The following SMIM14 variants were observed in gnomAD, a reference collection of about 807,000 sequenced individuals.
SMIM14 encodes chromosome 4 open reading frame 34.
SMIM14 carries 5 observed loss-of-function variants against 12.6 expected under a neutral mutation model. The ratio of observed to expected loss-of-function variants is 0.40; its 90% confidence interval spans 0.21 to 0.83. SMIM14 has a LOEUF of 0.83. SMIM14 is among the 40% of genes least tolerant of loss of function. The pLI is 0.37. For missense variants in SMIM14, 86 were observed against 119.1 expected (o/e 0.72, Z 1.29); for synonymous variants, 30 against 40.1 (o/e 0.75, Z 0.95).
intron 2 of SMIM14, among the ~76,000 whole-genome samples, chr4:39,579,410 CAAAAAAAAAA>C (rs11300565): frequency 2.0e-5 from 2 of 102,212 alleles, no homozygotes; most frequent in African/African-American, 3.6e-5. Context: ...ACAGTGCCTC[CAAAAAAAAAA>C]AAAAAGAAAA....
At chr4:39,601,392 T>C (rs1481716126) in intron 2 of SMIM14, among the ~76,000 whole-genome samples, 1 of 152,214 alleles carries the variant, frequency 6.6e-6, no homozygotes, top group Non-Finnish European at 1.5e-5. Flanking sequence ...GAAATTTTAC[T>C]CTATTACAAA....
At chr4:39,621,686 C>CTTT (rs57206633) in intron 1 of SMIM14, among the ~76,000 whole-genome samples, 32 of 105,426 alleles carry the variant, frequency 3.0e-4, no homozygotes, top group Middle Eastern at 5.4e-3. Flanking sequence ...CCAAACGTTT[C>CTTT]TTTTTTTTTT....
chr4:39,622,093 T>C (rs962065309), intron 1 of SMIM14, among the ~76,000 whole-genome samples: 1 of 152,242 alleles, frequency 6.6e-6, no homozygotes, highest in African/African-American at 2.4e-5. Context: ...TTTTGTTTTT[T>C]GTTTTTTTGA....
intron 3 of SMIM14, among the ~76,000 whole-genome samples, chr4:39,557,305 T>C (rs149847945): frequency 6.6e-6 from 1 of 152,112 alleles, no homozygotes; most frequent in African/African-American, 2.4e-5. Flanking sequence ...AGCCACTGTG[T>C]CCTGCCCCAC....
chr4:39,610,922 G>C (rs890789895), intron 1 of SMIM14, among the ~76,000 whole-genome samples: 1 of 151,888 alleles, frequency 6.6e-6, no homozygotes, highest in African/African-American at 2.4e-5. Flanking sequence ...ATAAGTCCAA[G>C]AAACCATGAA....
intron 1 of SMIM14, among the ~76,000 whole-genome samples, chr4:39,605,946 C>T (rs1292868739): frequency 6.6e-6 from 1 of 152,128 alleles, no homozygotes; most frequent in East Asian, 1.9e-4. Context: ...CCATGTTGGC[C>T]AGGCTGGTCT....
intron 2 of SMIM14, among the ~76,000 whole-genome samples, chr4:39,584,901 T>C (rs1578333663): frequency 6.6e-6 from 1 of 151,778 alleles, no homozygotes; most frequent in Non-Finnish European, 1.5e-5. Flanking sequence ...CACTAATAGG[T>C]TGGGCTACTT....
chr4:39,594,707 GA>G (rs1233529742), intron 2 of SMIM14: 1 of 147,090 alleles, frequency 6.8e-6, no homozygotes, highest in Non-Finnish European at 1.5e-5. Flanking sequence ...AAATTTACAA[GA>G]AAAAAACAAA....
chr4:39,573,538 C>T (rs1416889050), intron 2 of SMIM14, among the ~76,000 whole-genome samples: 1 of 152,152 alleles, frequency 6.6e-6, no homozygotes, highest in African/African-American at 2.4e-5. Context: ...TTACAACTGA[C>T]CCATTTCATT....
intron 4 of SMIM14, among the ~76,000 whole-genome samples, chr4:39,556,035 G>A (rs531828868): frequency 6.6e-6 from 1 of 152,264 alleles, no homozygotes; most frequent in South Asian, 2.1e-4. Context: ...CTAGCCAGGT[G>A]TGCTAGTGCA....
intron 1 of SMIM14, among the ~76,000 whole-genome samples, chr4:39,637,445 C>T (rs1361931688): frequency 1.3e-5 from 2 of 151,938 alleles, no homozygotes; most frequent in African/African-American, 4.8e-5. Context: ...AAGGACATAC[C>T]CTTCAAGGAA....
At chr4:39,610,368 C>G (rs1714980603) in intron 1 of SMIM14, among the ~76,000 whole-genome samples, 1 of 152,018 alleles carries the variant, frequency 6.6e-6, no homozygotes, top group Non-Finnish European at 1.5e-5. Context: ...CACAAATTGA[C>G]CCATGATTTT....
At chr4:39,555,678 C>G (rs1711973655) in intron 4 of SMIM14, among the ~76,000 whole-genome samples, 1 of 152,180 alleles carries the variant, frequency 6.6e-6, no homozygotes, top group South Asian at 2.1e-4. Flanking sequence ...CTTTTGCCAG[C>G]TCAGCTGATT....
intron 2 of SMIM14, among the ~76,000 whole-genome samples, chr4:39,579,714 C>T (rs4643818): frequency 0.24 from 36,514 of 151,500 alleles, 5,682 homozygotes; most frequent in Middle Eastern, 0.36. Flanking sequence ...TGTGGTGGTG[C>T]GCACCAGTAG....
intron 2 of SMIM14, among the ~76,000 whole-genome samples, chr4:39,602,118 T>C (rs1714640364): frequency 6.8e-6 from 1 of 147,972 alleles, no homozygotes; most frequent in African/African-American, 2.5e-5. Flanking sequence ...GTGTGGTGGC[T>C]GGTGCCTGTG....
At chr4:39,588,444 T>C (rs531243545) in intron 2 of SMIM14, among the ~76,000 whole-genome samples, 63 of 152,280 alleles carry the variant, frequency 4.1e-4, no homozygotes, top group Admixed American at 2.4e-3. Context: ...GTAAGACCAA[T>C]TGTATTGCTA....
intron 4 of SMIM14, among the ~76,000 whole-genome samples, chr4:39,553,381 G>A (rs1384759507): frequency 1.3e-5 from 2 of 151,570 alleles, no homozygotes; most frequent in Admixed American, 6.6e-5. Flanking sequence ...TGATTTCTAA[G>A]TCAGGTTATT....
intron 2 of SMIM14, among the ~76,000 whole-genome samples, chr4:39,576,678 ATATATATTTTTTTT>A (rs1713202275): frequency 3.3e-5 from 1 of 29,926 alleles, no homozygotes; most frequent in African/African-American, 1.3e-4. Context: ...ATATATATAT[ATATATATTTTTTTT>A]TTTTTTTTTT....
chr4:39,577,999 ACTTAAGGTTTTTGGCAAAG>A (rs1713292597), intron 2 of SMIM14, among the ~76,000 whole-genome samples: 1 of 152,158 alleles, frequency 6.6e-6, no homozygotes, highest in African/African-American at 2.4e-5. Flanking sequence ...CTAGTCCAGG[ACTTAAGGTTTTTGGCAAAG>A]CAGAGTGTGC....
Sources: gnomAD v4.1 joint callset for allele counts (sites outside exome capture counted in the v4.1 genomes callset) on GRCh38, gnomAD v4.1.1 for gene constraint, MANE v1.5 for transcripts, NCBI Gene and HGNC (gene_info 2026-07-23, HGNC 2026-07-21) for gene names.